SDK1: variants seen among roughly 807,000 people sequenced by gnomAD.
SDK1 encodes the protein protein sidekick-1.
Under a neutral mutation model 245.5 loss-of-function variants are expected in SDK1, and 157 were observed. The observed-to-expected ratio is 0.64, with a 90% CI of 0.56 to 0.73. SDK1 has a LOEUF of 0.73. Ranked by LOEUF, SDK1 falls within the 30% of genes least tolerant of loss-of-function variation. The pLI, the probability that SDK1 is intolerant of heterozygous loss-of-function variation, is 0.00. For synonymous variants in SDK1, 1,647 were observed against 1,278.5 expected (o/e 1.29, Z -6.15); for missense variants, 3,583 against 3,002.3 (o/e 1.19, Z -4.52).
chr7:3,486,176 A>G (rs1781688584), intron 1 of SDK1, among the ~76,000 whole-genome samples: 1 of 152,006 alleles, frequency 6.6e-6, no homozygotes, highest in South Asian at 2.1e-4. Flanking sequence ...AAATTTTAGA[A>G]CATTCTTCTA....
intron 4 of SDK1, among the ~76,000 whole-genome samples, chr7:3,695,908 A>G (rs1022107863): frequency 5.9e-5 from 9 of 152,150 alleles, no homozygotes; most frequent in African/African-American, 1.7e-4. Context: ...CTAATGAGCA[A>G]TTTTACTTTT....
intron 2 of SDK1, among the ~76,000 whole-genome samples, chr7:3,634,001 T>C (rs1782380633): frequency 6.6e-6 from 1 of 152,108 alleles, no homozygotes; most frequent in Non-Finnish European, 1.5e-5. Context: ...ACCGCTGCTG[T>C]CAGATGAGTT....
At chr7:3,694,448 T>G (rs907143266) in intron 4 of SDK1, among the ~76,000 whole-genome samples, 3 of 152,190 alleles carry the variant, frequency 2.0e-5, no homozygotes, top group Non-Finnish European at 4.4e-5. Flanking sequence ...GCAGCCAAGT[T>G]GTAGTGGACT....
intron 1 of SDK1, among the ~76,000 whole-genome samples, chr7:3,453,979 G>T (rs1367680201): frequency 6.6e-6 from 1 of 152,126 alleles, no homozygotes; most frequent in Non-Finnish European, 1.5e-5. Context: ...TTTTGTAGGA[G>T]AAAAAGAATT....
intron 17 of SDK1, among the ~76,000 whole-genome samples, chr7:4,027,454 T>C (rs1376075852): frequency 6.6e-6 from 1 of 152,192 alleles, no homozygotes; most frequent in African/African-American, 2.4e-5. Context: ...GATGTAGAAA[T>C]TGCTCATTCC....
At chr7:4,223,008 C>T (rs1309300122) in intron 40 of SDK1, among the ~76,000 whole-genome samples, 1 of 151,944 alleles carries the variant, frequency 6.6e-6, no homozygotes, top group Non-Finnish European at 1.5e-5. Flanking sequence ...AGACACTTTC[C>T]TCCCCATATC....
At chr7:3,806,489 T>C (rs1385178088) in intron 4 of SDK1, among the ~76,000 whole-genome samples, 1 of 152,242 alleles carries the variant, frequency 6.6e-6, no homozygotes, top group African/African-American at 2.4e-5. Flanking sequence ...TGCTCACCCT[T>C]CCCTGCCTTC....
At chr7:4,038,588 ACTTTT>A (rs1205116967) in intron 17 of SDK1, among the ~76,000 whole-genome samples, 3 of 152,200 alleles carry the variant, frequency 2.0e-5, no homozygotes, top group African/African-American at 7.2e-5. Context: ...CGAAAGCGGT[ACTTTT>A]CTTATTTCCT....
chr7:4,153,268 A>T (rs1325809718), intron 30 of SDK1, among the ~76,000 whole-genome samples: 5 of 150,026 alleles, frequency 3.3e-5, no homozygotes, highest in Admixed American at 1.3e-4. Context: ...CGTATAATGT[A>T]ATTTTTTAAA....
chr7:3,709,692 T>C (rs879576225), intron 4 of SDK1, among the ~76,000 whole-genome samples: 6 of 152,204 alleles, frequency 3.9e-5, no homozygotes, highest in Non-Finnish European at 8.8e-5. Flanking sequence ...CAATCCACCA[T>C]ATTGAAAAAA....
intron 22 of SDK1, among the ~76,000 whole-genome samples, chr7:4,098,194 G>GA (rs1782287628): frequency 6.6e-6 from 1 of 152,072 alleles, no homozygotes; most frequent in African/African-American, 2.4e-5. Flanking sequence ...GTCCTATTAT[G>GA]GGACCTTTAA....
chr7:3,377,418 C>T (rs1246469384), intron 1 of SDK1, among the ~76,000 whole-genome samples: 3 of 152,142 alleles, frequency 2.0e-5, no homozygotes, highest in Non-Finnish European at 2.9e-5. Flanking sequence ...GGACTGCAGG[C>T]TCTGGAATGT....
chr7:3,301,996 T>A, intron 1 of SDK1, 112 bp downstream of exon 1: 2 of 808,332 alleles, frequency 2.5e-6, no homozygotes, highest in Non-Finnish European at 3.0e-6. Context: ...CGGGTCGGGA[T>A]GCGCCTTGCT....
intron 22 of SDK1, among the ~76,000 whole-genome samples, chr7:4,082,481 G>A (rs1277055286): frequency 2.0e-5 from 3 of 150,046 alleles, no homozygotes; most frequent in Non-Finnish European, 2.9e-5. Context: ...TTTGCAGTGA[G>A]CTGAGATCAT....
intron 1 of SDK1, among the ~76,000 whole-genome samples, chr7:3,613,741 A>G (rs1583227870): frequency 2.6e-5 from 4 of 152,328 alleles, no homozygotes; most frequent in Admixed American, 2.6e-4. Context: ...CCCATCAATG[A>G]TAGACTGGAT....
At chr7:4,239,025 T>G (rs1159456174) in intron 42 of SDK1, among the ~76,000 whole-genome samples, 1 of 152,208 alleles carries the variant, frequency 6.6e-6, no homozygotes, top group East Asian at 1.9e-4. Flanking sequence ...CCACTGCAGC[T>G]TGAACCTTGC....
intron 1 of SDK1, among the ~76,000 whole-genome samples, chr7:3,413,500 G>C (rs190362621): frequency 6.6e-6 from 1 of 152,156 alleles, no homozygotes; most frequent in Non-Finnish European, 1.5e-5. Context: ...TTTGAGACCA[G>C]CCTGGCCAAC....
At chr7:3,488,872 A>G (rs1306827708) in intron 1 of SDK1, among the ~76,000 whole-genome samples, 2 of 151,188 alleles carry the variant, frequency 1.3e-5, no homozygotes, top group Non-Finnish European at 2.9e-5. Flanking sequence ...TCCCCTTTCT[A>G]GCACTTCTCT....
chr7:3,839,644 C>A (rs1780108780), intron 5 of SDK1, among the ~76,000 whole-genome samples: 1 of 152,036 alleles, frequency 6.6e-6, no homozygotes, highest in South Asian at 2.1e-4. Flanking sequence ...AATATCCATC[C>A]ATGAATATAT....
Sources: gnomAD v4.1 joint callset for allele counts (sites outside exome capture counted in the v4.1 genomes callset) on GRCh38, gnomAD v4.1.1 for gene constraint, MANE v1.5 for transcripts, NCBI Gene and HGNC (gene_info 2026-07-23, HGNC 2026-07-21) for gene names.